PREX2: variants seen among roughly 807,000 people sequenced by gnomAD.
The protein encoded by PREX2 is phosphatidylinositol 3,4,5-trisphosphate-dependent Rac exchanger 2 protein.
A neutral mutation model predicts 203.2 loss-of-function variants in PREX2; 107 were observed. The observed-to-expected ratio is 0.53, with a 90% confidence interval of 0.45 to 0.62. The LOEUF is 0.62. PREX2 is among the 20% of genes least tolerant of loss of function. PREX2 has a pLI of 0.00. For synonymous variants in PREX2, 672 were observed against 663.6 expected, an observed-to-expected ratio of 1.01 and a Z score of -0.19; for missense variants, 1,777 against 1,955.9, an observed-to-expected ratio of 0.91 and a Z score of 1.72.
chr8:68,154,598 A>G (rs994426161), intron 34 of PREX2, among the ~76,000 whole-genome samples: 2 of 152,168 alleles, frequency 1.3e-5, no homozygotes, highest in African/African-American at 4.8e-5. Context: ...TTTAAGGATT[A>G]TTTTATCAGG....
intron 21 of PREX2, among the ~76,000 whole-genome samples, chr8:68,095,753 T>C (rs754774030): frequency 5.3e-5 from 8 of 151,906 alleles, no homozygotes; most frequent in Non-Finnish European, 1.2e-4. Flanking sequence ...CCGCCGTCAG[T>C]TCCCTACCCC....
rs772909529 is a variant in PREX2 at position 68,120,955 on chromosome 8, T to C, written c.3630T>C (p.Cys1210=). The C allele has an allele frequency of 3.7e-6, 6 of 1,613,596 alleles. No homozygotes were observed. In the East Asian group the frequency reaches 8.9e-5, roughly 24 times the overall value. ...AGGAAATGGAACCAAAGCTGAGTTG[T>C]CCAAAAAGGCTACGGCTTCATATCA... is the stretch of plus-strand genomic sequence containing the variant. ...FQQEMEPKLS[C]PKRLRLHIKQ... The change falls in exon 30 of 40, where the codon TGT becomes TGC. Residue 1210 remains cysteine, a synonymous_variant. Coordinates refer to ENST00000288368, the MANE Select transcript of PREX2 (RefSeq NM_024870.4).
intron 15 of PREX2, among the ~76,000 whole-genome samples, chr8:68,078,459 G>A (rs1346334095): frequency 6.6e-6 from 1 of 152,088 alleles, no homozygotes; most frequent in African/African-American, 2.4e-5. Context: ...CACTATGCCT[G>A]GCCTCTTTTT....
At chr8:68,129,016 C>T (rs1449322741) in intron 31 of PREX2, among the ~76,000 whole-genome samples, 2 of 152,162 alleles carry the variant, frequency 1.3e-5, no homozygotes, top group African/African-American at 2.4e-5. Context: ...TTACTAATAA[C>T]ACAATTCATG....
intron 15 of PREX2, among the ~76,000 whole-genome samples, chr8:68,078,684 A>G (rs1274005745): frequency 6.6e-6 from 1 of 152,186 alleles, no homozygotes; most frequent in Non-Finnish European, 1.5e-5. Context: ...GTGGAGAAAT[A>G]TTGGTCCTTG....
In PREX2 at chr8:68,052,480, A is replaced by G. The variant is rs1008723385; in HGVS notation, c.944-617A>G. ...TCAATTTATCTTCAAAAATTTTTTT[A>G]TAAGTTTCTATTTATGTGACTTAAA... On this transcript the variant is annotated intron_variant, in intron 8 of 39. Coordinates refer to ENST00000288368, the MANE Select transcript of PREX2 (RefSeq NM_024870.4). Among the ~76,000 whole-genome samples, 7 of 152,228 alleles carry G rather than the reference A, an allele frequency of 4.6e-5. No homozygotes were observed. In the South Asian group the frequency reaches 8.3e-4, roughly 18 times the overall value.
intron 5 of PREX2, 105 bp downstream of exon 5, chr8:68,027,428 C>T (rs1172049516): frequency 2.5e-5 from 19 of 747,580 alleles, no homozygotes; most frequent in South Asian, 6.6e-5. Context: ...CTAAAGGAAG[C>T]GTAGACCATA....
chr8:68,135,697 C>T (rs535428489), intron 32 of PREX2, among the ~76,000 whole-genome samples: 1 of 152,172 alleles, frequency 6.6e-6, no homozygotes, highest in Non-Finnish European at 1.5e-5. Flanking sequence ...ACAGAGTTTC[C>T]ATATTACCTA....
chr8:68,119,409 T>C (rs1810722407), intron 27 of PREX2, 23 bp from the exon 28 acceptor site: 2 of 1,587,594 alleles, frequency 1.3e-6, no homozygotes, highest in African/African-American at 2.7e-5. Flanking sequence ...GGTTTTTGGT[T>C]TTGTTTTTGT....
At chr8:68,100,175 GTTC>G (rs1224013827) in intron 23 of PREX2, 1 of 476,436 alleles carries the variant, frequency 2.1e-6, no homozygotes. Flanking sequence ...TTATACTATA[GTTC>G]TTCTTTTCTT....
chr8:68,215,486 G>T (rs113166232), intron 37 of PREX2, among the ~76,000 whole-genome samples: 6 of 151,166 alleles, frequency 4.0e-5, no homozygotes, highest in East Asian at 1.9e-4. Context: ...GGAGAAAAAG[G>T]TTATGGTCTG....
chr8:68,147,165 T>A (rs983895653), intron 34 of PREX2, among the ~76,000 whole-genome samples: 5 of 152,054 alleles, frequency 3.3e-5, no homozygotes, highest in Non-Finnish European at 7.4e-5. Context: ...TTCTTTTGAG[T>A]TTTCAAGAAC....
In PREX2 at chr8:68,090,685, A is replaced by G. The variant is rs1202968663; in HGVS notation, c.2220A>G (p.Thr740=). 83 of 1,613,958 alleles carry G rather than the reference A, an allele frequency of 5.1e-5. No homozygotes were observed. The highest frequency in any genetic ancestry group is 7.0e-5 in the Non-Finnish European group (82 of 1,179,846). Residue 740 remains threonine (T), a synonymous_variant, in exon 20 of 40, where the codon ACA becomes ACG. Transcript: ENST00000288368. ...ATGCCAGTGTCATTGCACACGTTAC[A>G]GCCTGCAGGAAGTACAGGCGGCCAA... ...ETHASVIAHV[T]ACRKYRRPTK...
At chr8:68,121,746 T>A (rs997481541) in intron 30 of PREX2, among the ~76,000 whole-genome samples, 2 of 152,098 alleles carry the variant, frequency 1.3e-5, no homozygotes, top group African/African-American at 4.8e-5. Context: ...ATTAGAACAG[T>A]GGTTGGCAAC....
At position 68,162,051 on chromosome 8, in the gene PREX2, T is replaced by A. The variant is rs576303634; in HGVS notation, c.4346+4615T>A. The stretch of plus-strand genomic sequence containing the variant: ...CAGATCTCTTGAGATTTATTCAATA[T>A]CATGAGGACAGCATGGGAAAGACTC... On this transcript the variant is annotated intron_variant, in intron 35 of 39. Coordinates refer to ENST00000288368, the MANE Select transcript of PREX2 (RefSeq NM_024870.4). Among the ~76,000 whole-genome samples, 416 of 152,244 alleles carry A rather than the reference T, an allele frequency of 2.7e-3. 2 individuals carry two copies. The highest frequency in any genetic ancestry group is 9.8e-3 in the African/African-American group (406 of 41,520).
At chr8:68,009,001 G>A (rs1222033207) in intron 1 of PREX2, among the ~76,000 whole-genome samples, 1 of 152,208 alleles carries the variant, frequency 6.6e-6, no homozygotes, top group African/African-American at 2.4e-5. Context: ...ACAAGTTCAT[G>A]TTAATTGAAA....
chr8:67,952,695 G>C, intron 1 of PREX2, 160 bp downstream of exon 1: 1 of 1,007,508 alleles, frequency 9.9e-7, no homozygotes, highest in Non-Finnish European at 1.5e-6. Context: ...GCGTTCGCGG[G>C]CGCGGTGACC....
chr8:68,069,531 A>G (rs1252452218), intron 12 of PREX2, among the ~76,000 whole-genome samples: 2 of 146,456 alleles, frequency 1.4e-5, no homozygotes, highest in African/African-American at 5.3e-5. Flanking sequence ...GTATTACTGT[A>G]TTGGTATATT....
intron 37 of PREX2, among the ~76,000 whole-genome samples, chr8:68,211,331 T>C (rs998513276): frequency 1.3e-5 from 2 of 152,246 alleles, no homozygotes; most frequent in Non-Finnish European, 2.9e-5. Flanking sequence ...CATCATAATT[T>C]ACTCCAGGTT....
Sources: gnomAD v4.1 joint callset for allele counts (sites outside exome capture counted in the v4.1 genomes callset) on GRCh38, gnomAD v4.1.1 for gene constraint, MANE v1.5 for transcripts, NCBI Gene and HGNC (gene_info 2026-07-23, HGNC 2026-07-21) for gene names.